MEGF9: variants seen among roughly 807,000 people sequenced by gnomAD.
MEGF9 encodes the protein multiple epidermal growth factor-like domains protein 9.
Under a neutral mutation model 46.8 loss-of-function variants are expected in MEGF9, and 6 were observed. That is an observed-to-expected ratio of 0.13 (90% CI 0.07 to 0.25). MEGF9 has a LOEUF of 0.25. Among genes scored for constraint, MEGF9 ranks in the 10% least tolerant of loss-of-function variants. MEGF9 has a pLI of 1.00. For missense variants in MEGF9, 683 were observed against 792.4 expected (o/e 0.86, Z 1.66); for synonymous variants, 302 against 330.7 (o/e 0.91, Z 0.94).
At chr9:120,649,207 C>T (rs2043638526) in intron 2 of MEGF9, among the ~76,000 whole-genome samples, 1 of 152,146 alleles carries the variant, frequency 6.6e-6, no homozygotes, top group Non-Finnish European at 1.5e-5. Context: ...TTTCAACCTG[C>T]ATTGCTTGAA....
chr9:120,612,637 G>A, intron 3 of MEGF9, 98 bp from the exon 4 acceptor site: 2 of 1,086,062 alleles, frequency 1.8e-6, no homozygotes, highest in South Asian at 1.7e-5. Flanking sequence ...ATAAGAAAAA[G>A]AAAAACTAAT....
intron 2 of MEGF9, among the ~76,000 whole-genome samples, chr9:120,651,368 C>T (rs2043648579): frequency 6.6e-6 from 1 of 152,162 alleles, no homozygotes; most frequent in African/African-American, 2.4e-5. Flanking sequence ...AAGGCTGTAC[C>T]AGCATAGTGG....
At chr9:120,699,697 C>T (rs1023142514) in intron 1 of MEGF9, among the ~76,000 whole-genome samples, 3 of 142,566 alleles carry the variant, frequency 2.1e-5, no homozygotes, top group Admixed American at 7.3e-5. Context: ...CACTCTAACC[C>T]GGGTGAAAGA....
intron 1 of MEGF9, among the ~76,000 whole-genome samples, chr9:120,670,073 T>G (rs2043741835): frequency 6.6e-6 from 1 of 152,162 alleles, no homozygotes; most frequent in African/African-American, 2.4e-5. Flanking sequence ...TACAGGATCA[T>G]GTACTCAAAT....
At chr9:120,622,860 T>C in intron 2 of MEGF9, 105 bp from the exon 3 acceptor site, 1 of 1,090,430 alleles carries the variant, frequency 9.2e-7, no homozygotes, top group East Asian at 2.5e-5. Context: ...AAATCATATA[T>C]ACTTACCATA....
chr9:120,655,523 C>T lies in MEGF9; in HGVS notation c.803+3851G>A, dbSNP rs139680247. On this transcript the variant is annotated intron_variant, in intron 2 of 5. Transcript: ENST00000373930. ...ACAACATATCTCCACCATTAAGTAACGTAGTAATAATATTATAGGTCTCTT... is the reference window on the plus strand; with the variant it reads ...ACAACATATCTCCACCATTAAGTAATGTAGTAATAATATTATAGGTCTCTT... Among the ~76,000 whole-genome samples the T allele has an allele frequency of 2.0e-3, 306 of 152,218 alleles. 3 individuals are homozygous for T. The highest frequency in any genetic ancestry group is 6.8e-3 in the South Asian group (33 of 4,818).
intron 1 of MEGF9, among the ~76,000 whole-genome samples, chr9:120,684,646 A>C (rs928842325): frequency 2.6e-5 from 4 of 152,154 alleles, no homozygotes; most frequent in Non-Finnish European, 5.9e-5. Context: ...TTATATTCAA[A>C]AAGAAGGGCA....
At position 120,601,578 on chromosome 9, in the gene MEGF9, ATGT is replaced by A. The variant is rs948914108; in HGVS notation, c.*3609_*3611del. 1.3e-5 allele frequency: 2 copies of A among 152,170 alleles called. No homozygotes were observed. Among genetic ancestry groups the A allele is most frequent in the Admixed American group, 6.5e-5 (1 of 15,282 alleles). The allele number at this position is 152,170 out of a possible 1,614,324, so 9.4% of individuals were successfully genotyped here. On this transcript the variant is annotated 3_prime_UTR_variant, in exon 6 of 6. Transcript: ENST00000373930. ...GTGATATAATTTGAGGTGTCTACAAATGTTGTCTAAAAAACCTCTCTCCTCTCA... is the reference window on the plus strand; with the variant it reads ...GTGATATAATTTGAGGTGTCTACAAATGTCTAAAAAACCTCTCTCCTCTCA...
chr9:120,628,353 G>A (rs867851836), intron 2 of MEGF9, among the ~76,000 whole-genome samples: 1 of 151,266 alleles, frequency 6.6e-6, no homozygotes, highest in South Asian at 2.1e-4. Flanking sequence ...AAAAAGGATA[G>A]CTTTATTGTT....
intron 1 of MEGF9, chr9:120,691,582 A>T (rs1207495932): frequency 3.6e-6 from 1 of 274,714 alleles, no homozygotes; most frequent in African/African-American, 2.4e-5. Flanking sequence ...AAATTTCCTG[A>T]ATGTTTGGAA....
Position 120,713,946 on chromosome 9 carries a change from T to C in MEGF9, c.413A>G (p.Gln138Arg). 7.3e-7 allele frequency: 1 copy of C among 1,374,862 alleles called. No individual in the cohort carries two copies. Among genetic ancestry groups the C allele is most frequent in the Non-Finnish European group, 9.4e-7 (1 of 1,060,508 alleles). 85.2% of individuals were successfully genotyped at this position (1,374,862 alleles called of 1,614,324 possible). Residue 138 changes from glutamine (Q) to arginine (R), a missense_variant, in exon 1 of 6, where the codon CAG becomes CGG. Coordinates refer to ENST00000373930, the MANE Select transcript of MEGF9 (RefSeq NM_001080497.3). Reference protein sequence around the residue: ...PAAERTSTTSQAPTRPAPTTL... With the variant: ...PAAERTSTTSRAPTRPAPTTL... ...GGTCGGCGCGGGTCTGGTCGGCGCCTGAGAGGTGGTCGAAGTGCGTTCCGC... is the reference window on the plus strand; with the variant it reads ...GGTCGGCGCGGGTCTGGTCGGCGCCCGAGAGGTGGTCGAAGTGCGTTCCGC...
intron 2 of MEGF9, among the ~76,000 whole-genome samples, chr9:120,630,603 C>T (rs1465836864): frequency 2.6e-5 from 4 of 152,218 alleles, no homozygotes; most frequent in Non-Finnish European, 5.9e-5. Flanking sequence ...TTCATAATGG[C>T]TGTGCTAATT....
At chr9:120,670,371 A>T (rs375893649) in intron 1 of MEGF9, among the ~76,000 whole-genome samples, 4 of 152,286 alleles carry the variant, frequency 2.6e-5, no homozygotes, top group Non-Finnish European at 5.9e-5. Flanking sequence ...TGCTGGGATT[A>T]CAGGCATGAG....
chr9:120,617,304 T>C (rs1013483778), intron 3 of MEGF9, among the ~76,000 whole-genome samples: 1 of 152,212 alleles, frequency 6.6e-6, no homozygotes, highest in African/African-American at 2.4e-5. Flanking sequence ...CATTGTTACC[T>C]GCAAAAAGAC....
chr9:120,700,618 T>C (rs1252300115), intron 1 of MEGF9, among the ~76,000 whole-genome samples: 1 of 152,098 alleles, frequency 6.6e-6, no homozygotes, highest in Non-Finnish European at 1.5e-5. Context: ...ATAAATATAT[T>C]GGAATGCAAG....
intron 4 of MEGF9, among the ~76,000 whole-genome samples, chr9:120,608,384 T>C (rs1346531386): frequency 2.0e-5 from 3 of 152,250 alleles, no homozygotes; most frequent in African/African-American, 4.8e-5. Flanking sequence ...TGAATGATTA[T>C]GATGGGTTGG....
Position 120,605,470 on chromosome 9 carries a change from C to A in MEGF9, c.1529G>T (p.Trp510Leu), listed in dbSNP as rs2043416493. The A allele has an allele frequency of 6.2e-7, 1 of 1,613,988 alleles. No homozygotes were observed. Among genetic ancestry groups the A allele is most frequent in the Non-Finnish European group, 8.5e-7 (1 of 1,179,886 alleles). Residue 510 changes from tryptophan (W) to leucine (L), a missense_variant, in exon 6 of 6, where the codon TGG (tryptophan) becomes TTG (leucine). Physicochemically the swap from Trp to Leu is moderately conservative, Grantham distance 61 (BLOSUM62 -2). Around this residue, in one of 2 missense-constraint regions of MEGF9, gnomAD observed 313 missense variants for 421.1 expected, o/e 0.74. Coordinates refer to ENST00000373930, the MANE Select transcript of MEGF9 (RefSeq NM_001080497.3). The surrounding 1 kb of genome is among the most constrained non-coding windows in gnomAD (Gnocchi z 4.0). ...CAAAATGATGATGTTAAATTGGGTC[C>A]ATGATACATCAGCTAAAGCTGAAGT... The part of the protein sequence containing the change: ...NSTSALADVS[W>L]TQFNIIILTV...
intron 2 of MEGF9, among the ~76,000 whole-genome samples, chr9:120,628,465 GTTGT>G (rs1259433521): frequency 7.6e-5 from 4 of 52,756 alleles, no homozygotes; most frequent in African/African-American, 2.2e-4. Context: ...AATTCTTGTC[GTTGT>G]TTTTTTTTTT....
chr9:120,682,123 G>A (rs1339920156), intron 1 of MEGF9, among the ~76,000 whole-genome samples: 2 of 152,150 alleles, frequency 1.3e-5, no homozygotes, highest in Non-Finnish European at 1.5e-5. Context: ...TGGCAAAGTA[G>A]CATCCTTAGA....
Sources: allele counts gnomAD v4.1 joint callset (sites outside exome capture counted in the v4.1 genomes callset), GRCh38; gene constraint gnomAD v4.1.1; regional missense constraint gnomAD v4.1.1; non-coding constraint Gnocchi (gnomAD v3.1); transcripts MANE v1.5; gene names NCBI Gene and HGNC (gene_info 2026-07-23, HGNC 2026-07-21).